The following CCDC68 variants were observed in gnomAD, a reference collection of about 807,000 sequenced individuals.
CCDC68 encodes the protein coiled-coil domain containing 68, also known as coiled-coil domain-containing protein 68.
Under a neutral mutation model 47.1 loss-of-function variants are expected in CCDC68, and 45 were observed. The observed-to-expected ratio is 0.96, with a 90% CI of 0.75 to 1.23. The LOEUF (loss-of-function observed/expected upper bound fraction) is 1.23. CCDC68 is among the 50% of genes most tolerant of loss of function. CCDC68 has a pLI of 0.00. For synonymous variants in CCDC68, 131 were observed against 129.5 expected (o/e 1.01, Z -0.08); for missense variants, 353 against 373.6 (o/e 0.94, Z 0.45).
At chr18:54,920,241 T>C (rs1023722909) in intron 8 of CCDC68, among the ~76,000 whole-genome samples, 2 of 148,030 alleles carry the variant, frequency 1.4e-5, no homozygotes, top group African/African-American at 5.0e-5. Context: ...TTTTTCTTTT[T>C]TTTTTTTTTT....
At chr18:54,906,084 A>T (rs1230815520) in intron 11 of CCDC68, among the ~76,000 whole-genome samples, 1 of 152,174 alleles carries the variant, frequency 6.6e-6, no homozygotes, top group Non-Finnish European at 1.5e-5. Context: ...TATACATTAC[A>T]ATGTAATAAA....
chr18:54,936,869 C>G lies in CCDC68; in HGVS notation c.435G>C (p.Val145=). The change falls in exon 6 of 12, where the codon GTG becomes GTC. Residue 145 remains valine, a synonymous_variant. Coordinates refer to ENST00000591504, the MANE Select transcript of CCDC68 (RefSeq NM_025214.3). ...GTTTACTGTCCTCCTGCTTCTTTCT[C>G]ACTTCTTCAGATTGCGTTTGGTAGT... ...FENYQTQSEE[V]RKKQEDSKQL... 1 of 1,614,122 alleles carries G rather than the reference C, an allele frequency of 6.2e-7. No individual in the cohort carries two copies. Among genetic ancestry groups the G allele is most frequent in the East Asian group, 2.2e-5 (1 of 44,884 alleles).
At chr18:54,922,589 A>ACGT (rs1428770323) in intron 8 of CCDC68, among the ~76,000 whole-genome samples, 1 of 152,096 alleles carries the variant, frequency 6.6e-6, no homozygotes, top group East Asian at 1.9e-4. Flanking sequence ...ATGGTGGCTC[A>ACGT]CGTCTGTAAT....
chr18:54,918,841 C>G (rs372997348), intron 9 of CCDC68, among the ~76,000 whole-genome samples: 1 of 152,298 alleles, frequency 6.6e-6, no homozygotes, highest in East Asian at 1.9e-4. Context: ...GACTTTGCCA[C>G]CTATCAGGCT....
rs547126101 is a variant in CCDC68 at position 54,923,113 on chromosome 18, A to T, written c.684-3737T>A. Among the ~76,000 whole-genome samples, 4 of 152,272 alleles carry T rather than the reference A, an allele frequency of 2.6e-5. No homozygotes were observed. In the South Asian group the frequency reaches 8.3e-4, roughly 32 times the overall value. On this transcript the variant is annotated intron_variant, in intron 8 of 11. Coordinates refer to ENST00000591504, the MANE Select transcript of CCDC68 (RefSeq NM_025214.3). Reference sequence around the variant, plus strand: ...AGTAAAAGAAGAAAAGATAAAAATAACAGAAAGAGCAGCTATGACCCACTT... The same window carrying T: ...AGTAAAAGAAGAAAAGATAAAAATATCAGAAAGAGCAGCTATGACCCACTT...
intron 8 of CCDC68, among the ~76,000 whole-genome samples, chr18:54,926,722 A>G (rs2145475411): frequency 6.6e-6 from 1 of 152,320 alleles, no homozygotes; most frequent in South Asian, 2.1e-4. Context: ...TCTAGAAATA[A>G]AAGAAAGATG....
chr18:54,949,139 C>T (rs2044573261), intron 1 of CCDC68, among the ~76,000 whole-genome samples: 2 of 152,120 alleles, frequency 1.3e-5, no homozygotes, highest in South Asian at 4.1e-4. Flanking sequence ...GATTACAGAG[C>T]TGCATCACTA....
At chr18:54,932,676 G>C (rs2044283632) in intron 7 of CCDC68, among the ~76,000 whole-genome samples, 1 of 152,118 alleles carries the variant, frequency 6.6e-6, no homozygotes, top group Non-Finnish European at 1.5e-5. Context: ...AGATCTCCTG[G>C]AGACAGCCCA....
chr18:54,936,285 A>G (rs943441103), intron 6 of CCDC68, among the ~76,000 whole-genome samples: 4 of 146,010 alleles, frequency 2.7e-5, no homozygotes, highest in African/African-American at 4.9e-5. Context: ...ATATTTTTAA[A>G]TAATATATAA....
intron 1 of CCDC68, among the ~76,000 whole-genome samples, chr18:54,946,478 T>C (rs1188754965): frequency 6.6e-6 from 1 of 152,190 alleles, no homozygotes; most frequent in East Asian, 1.9e-4. Flanking sequence ...ATTTGACTGA[T>C]TTACTTTCAT....
rs551482730 is a variant in CCDC68, at chr18:54,905,456, G to GT, written c.951-1042dup. ...AAGATCTATATGTTCTAAAGCTCAAGTAAAAAAGAAAAAACCTTTTTTGTT... is the reference window on the plus strand; with the variant it reads ...AAGATCTATATGTTCTAAAGCTCAAGTTAAAAAAGAAAAAACCTTTTTTGTT... On this transcript the variant is annotated intron_variant, in intron 11 of 11. Coordinates refer to ENST00000591504, the MANE Select transcript of CCDC68 (RefSeq NM_025214.3). 4.3e-4 allele frequency among the ~76,000 whole-genome samples: 35 copies of GT among 80,566 alleles called. No individual in the cohort carries two copies. The East Asian group carries it at 6.3e-3, about 14-fold the overall frequency. 52.9% of individuals were successfully genotyped at this position (80,566 alleles called of 152,430 possible).
At chr18:54,957,558 C>T (rs553978302) in intron 1 of CCDC68, among the ~76,000 whole-genome samples, 1 of 151,836 alleles carries the variant, frequency 6.6e-6, no homozygotes, top group Non-Finnish European at 1.5e-5. Flanking sequence ...TCAATGAATA[C>T]ATGAATAGGC....
At chr18:54,947,777 A>G (rs2044550756) in intron 1 of CCDC68, among the ~76,000 whole-genome samples, 1 of 152,248 alleles carries the variant, frequency 6.6e-6, no homozygotes, top group South Asian at 2.1e-4. Context: ...GAAGCAGGTT[A>G]TATTTTAAAT....
chr18:54,927,236 T>C (rs1282854665), intron 8 of CCDC68, among the ~76,000 whole-genome samples: 2 of 152,198 alleles, frequency 1.3e-5, no homozygotes, highest in African/African-American at 4.8e-5. Flanking sequence ...AAAAATTGCA[T>C]AAGCCTGGAT....
At chr18:54,915,636 T>C (rs1208282691) in intron 10 of CCDC68, among the ~76,000 whole-genome samples, 2 of 152,140 alleles carry the variant, frequency 1.3e-5, no homozygotes, top group Non-Finnish European at 2.9e-5. Flanking sequence ...ACGTAAAAAA[T>C]GTAAGAAATA....
intron 10 of CCDC68, among the ~76,000 whole-genome samples, chr18:54,914,159 A>G (rs1034690827): frequency 9.9e-5 from 15 of 152,260 alleles, no homozygotes; most frequent in African/African-American, 3.6e-4. Context: ...CTGTTGAATA[A>G]ATAAATTAAT....
At chr18:54,922,720 G>T (rs1453609082) in intron 8 of CCDC68, among the ~76,000 whole-genome samples, 1 of 152,056 alleles carries the variant, frequency 6.6e-6, no homozygotes, top group African/African-American at 2.4e-5. Context: ...GGGTGTGGTG[G>T]CTCACACCTG....
chr18:54,930,653 CCCTT>C (rs1426771531), intron 7 of CCDC68, among the ~76,000 whole-genome samples: 3 of 18,342 alleles, frequency 1.6e-4, no homozygotes, highest in Non-Finnish European at 2.4e-4. Flanking sequence ...CTCCCTCCCT[CCCTT>C]CCTTCCTTCC....
chr18:54,951,521 G>T (rs1423660749), intron 1 of CCDC68, among the ~76,000 whole-genome samples: 1 of 152,190 alleles, frequency 6.6e-6, no homozygotes, highest in East Asian at 1.9e-4. Context: ...ATAACTAGTT[G>T]GTGGCCATTG....
Sources: gnomAD v4.1 joint callset for allele counts (sites outside exome capture counted in the v4.1 genomes callset) on GRCh38, gnomAD v4.1.1 for gene constraint, MANE v1.5 for transcripts, NCBI Gene and HGNC (gene_info 2026-07-23, HGNC 2026-07-21) for gene names.